ADAM32: variants seen among roughly 807,000 people sequenced by gnomAD.
ADAM32 encodes ADAM metallopeptidase domain 32.
ADAM32 carries 89 observed loss-of-function variants against 114.9 expected under a neutral mutation model. The observed-to-expected ratio is 0.77, with a 90% CI of 0.65 to 0.92. ADAM32 has a LOEUF of 0.92. Among genes scored for constraint, ADAM32 ranks in the 40% least tolerant of loss-of-function variants. The pLI, the probability that ADAM32 is intolerant of heterozygous loss-of-function variation, is 0.00. For missense variants in ADAM32, 870 were observed against 932.8 expected (o/e 0.93, Z 0.88); for synonymous variants, 285 against 307.5 (o/e 0.93, Z 0.77).
chr8:39,282,991 C>G (rs369488910), intron 23 of ADAM32, among the ~76,000 whole-genome samples: 1 of 152,072 alleles, frequency 6.6e-6, no homozygotes, highest in Admixed American at 6.5e-5. Context: ...AATACTCTCA[C>G]TTATATTGTA....
intron 11 of ADAM32, among the ~76,000 whole-genome samples, chr8:39,191,436 A>G (rs528244604): frequency 1.3e-5 from 2 of 152,308 alleles, no homozygotes; most frequent in South Asian, 2.1e-4. Flanking sequence ...CTTTTTAATA[A>G]TAACCATTCT....
At chr8:39,194,381 C>T (rs948364886) in intron 11 of ADAM32, among the ~76,000 whole-genome samples, 2 of 151,924 alleles carry the variant, frequency 1.3e-5, no homozygotes, top group East Asian at 1.9e-4. Context: ...TGGGGTACAC[C>T]AATGCTGGCA....
At position 39,164,771 on chromosome 8, in the gene ADAM32, A is replaced by G. The variant is rs1436716529; in HGVS notation, c.602A>G (p.Tyr201Cys). 3 of 1,594,980 alleles carry G rather than the reference A, an allele frequency of 1.9e-6. No homozygotes were observed. The highest frequency in any genetic ancestry group is 2.6e-6 in the Non-Finnish European group (3 of 1,170,006). ...ATTAATTCTGTTTTTCAGTATGATTACTGGGGCTCTGATAGCATGATAGTA... is the reference window on the plus strand; with the variant it reads ...ATTAATTCTGTTTTTCAGTATGATTGCTGGGGCTCTGATAGCATGATAGTA... ...HIVVDKTLYD[Y>C]WGSDSMIVTN... Residue 201 changes from tyrosine to cysteine, a missense_variant, in exon 8 of 25, where the codon TAC (tyrosine) becomes TGC (cysteine). By Grantham distance (194) the Tyr-to-Cys change is radical. Coordinates refer to ENST00000379907, the MANE Select transcript of ADAM32 (RefSeq NM_145004.7).
intron 14 of ADAM32, 129 bp downstream of exon 14, chr8:39,223,367 A>G (rs1393215823): frequency 4.4e-6 from 2 of 454,532 alleles, no homozygotes; most frequent in Non-Finnish European, 6.9e-6. Context: ...AATATTGTTT[A>G]TATATATTTT....
chr8:39,275,250 C>G (rs1386566369), intron 21 of ADAM32, among the ~76,000 whole-genome samples: 1 of 152,230 alleles, frequency 6.6e-6, no homozygotes, highest in Non-Finnish European at 1.5e-5. Context: ...ATGAAACTGA[C>G]TTGTGTACCC....
Position 39,136,969 on chromosome 8 carries a change from G to A in ADAM32, c.200+251G>A, listed in dbSNP as rs1802843571. Among the ~76,000 whole-genome samples the A allele has an allele frequency of 2.0e-5, 3 of 152,130 alleles. No individual in the cohort carries two copies. The South Asian group carries it at 6.2e-4, about 32-fold the overall frequency. On this transcript the variant is annotated intron_variant, in intron 3 of 24. Coordinates refer to ENST00000379907, the MANE Select transcript of ADAM32 (RefSeq NM_145004.7). The stretch of plus-strand genomic sequence containing the variant: ...CTGATTTATGATATTAAGTTGGCAG[G>A]ACCAGCAGGACCTATATCATCAGGG...
At position 39,270,885 on chromosome 8, in the gene ADAM32, G is replaced by T; in HGVS notation, c.2172G>T (p.Ser724=). 6.2e-7 allele frequency: 1 copy of T among 1,609,786 alleles called. No individual in the cohort carries two copies. The highest frequency in any genetic ancestry group is 1.1e-5 in the South Asian group (1 of 90,120). The change falls in exon 20 of 25, where the codon TCG becomes TCT. Residue 724 remains serine, a synonymous_variant. Transcript: ENST00000379907. ...EEEFPSSESK[S]EGSTQTYASQ... Reference sequence around the variant, plus strand: ...TTCAATTTCTTTTTAGATCTAAATCGGAAGGTAGCACACAGACATATGCCA... The same window carrying T: ...TTCAATTTCTTTTTAGATCTAAATCTGAAGGTAGCACACAGACATATGCCA...
At chr8:39,283,436 A>AT in intron 23 of ADAM32, 150 bp from the exon 24 acceptor site, 1 of 481,870 alleles carries the variant, frequency 2.1e-6, no homozygotes, top group East Asian at 3.9e-5. Flanking sequence ...AAAAAAAAAA[A>AT]TGGAAAAGAG....
At chr8:39,191,175 T>G (rs962988926) in intron 11 of ADAM32, among the ~76,000 whole-genome samples, 1 of 152,196 alleles carries the variant, frequency 6.6e-6, no homozygotes, top group Non-Finnish European at 1.5e-5. Context: ...TAGGTTAACT[T>G]CATGTCTTTG....
intron 9 of ADAM32, chr8:39,166,732 T>C (rs1804862175): frequency 6.6e-6 from 1 of 152,320 alleles, no homozygotes; most frequent in South Asian, 2.1e-4. Flanking sequence ...ATGGCCTTTA[T>C]TGGAGGAGTA....
chr8:39,118,798 G>A (rs759859060), intron 2 of ADAM32, among the ~76,000 whole-genome samples: 2 of 152,126 alleles, frequency 1.3e-5, no homozygotes, highest in East Asian at 1.9e-4. Context: ...CCATTTTAAG[G>A]GTACAACTCA....
intron 14 of ADAM32, among the ~76,000 whole-genome samples, chr8:39,226,061 CA>C (rs1396798826): frequency 6.6e-6 from 1 of 151,870 alleles, no homozygotes; most frequent in African/African-American, 2.4e-5. Flanking sequence ...AAAAAAAAAT[CA>C]AATTATTGGG....
intron 9 of ADAM32, 131 bp from the exon 10 acceptor site, chr8:39,169,785 A>G (rs948112553): frequency 8.5e-6 from 5 of 586,320 alleles, no homozygotes; most frequent in Non-Finnish European, 1.2e-5. Flanking sequence ...AATTGAGGAC[A>G]TATGGAAAGA....
intron 4 of ADAM32, 107 bp from the exon 5 acceptor site, chr8:39,149,684 G>A (rs1222991767): frequency 2.2e-5 from 17 of 769,480 alleles, no homozygotes; most frequent in African/African-American, 3.5e-5. Flanking sequence ...TATAAATCAC[G>A]GAGCCTGTGA....
Position 39,202,663 on chromosome 8 carries a change from C to T in ADAM32, c.1053-8481C>T, listed in dbSNP as rs552267358. On this transcript the variant is annotated intron_variant, in intron 11 of 24. Coordinates refer to ENST00000379907, the MANE Select transcript of ADAM32 (RefSeq NM_145004.7). ...CTGCTCTGATCTTATTTCATTCTTG[C>T]CTTCTGCTAGCTTTTGAATGTGTTT... 3.3e-5 allele frequency among the ~76,000 whole-genome samples: 5 copies of T among 152,126 alleles called. No individual in the cohort carries two copies. The South Asian group carries it at 1.0e-3, about 32-fold the overall frequency.
intron 4 of ADAM32, among the ~76,000 whole-genome samples, chr8:39,148,063 G>A (rs1248427902): frequency 6.6e-6 from 1 of 152,082 alleles, no homozygotes; most frequent in African/African-American, 2.4e-5. Flanking sequence ...ACAGGTGTGA[G>A]CCACCGCACC....
At chr8:39,213,366 G>A (rs1585555443) in intron 12 of ADAM32, among the ~76,000 whole-genome samples, 1 of 152,006 alleles carries the variant, frequency 6.6e-6, no homozygotes, top group African/African-American at 2.4e-5. Context: ...CTATTTTGAA[G>A]TATACAATAA....
intron 11 of ADAM32, among the ~76,000 whole-genome samples, chr8:39,207,312 C>T (rs759769360): frequency 2.0e-5 from 3 of 152,090 alleles, no homozygotes; most frequent in African/African-American, 4.8e-5. Flanking sequence ...CCCTACTCAG[C>T]CATTTTGAAG....
chr8:39,216,890 T>TTAAAGTGTTCTAATAA (rs1554617152), intron 12 of ADAM32, among the ~76,000 whole-genome samples: 36 of 150,298 alleles, frequency 2.4e-4, no homozygotes, highest in African/African-American at 8.3e-4. Flanking sequence ...TGCACCCCAG[T>TTAAAGTGTTCTAATAA]TAAAGTGTTA....
Sources: allele counts gnomAD v4.1 joint callset (sites outside exome capture counted in the v4.1 genomes callset), GRCh38; gene constraint gnomAD v4.1.1; transcripts MANE v1.5; gene names NCBI Gene and HGNC (gene_info 2026-07-23, HGNC 2026-07-21).